CEP112: variants seen among roughly 807,000 people sequenced by gnomAD.
CEP112 encodes the protein centrosomal protein of 112 kDa.
A neutral mutation model predicts 153.0 loss-of-function variants in CEP112; 127 were observed. The ratio of observed to expected loss-of-function variants is 0.83; its 90% confidence interval spans 0.72 to 0.96. The LOEUF (loss-of-function observed/expected upper bound fraction) is 0.96, where lower values mean the gene tolerates loss of function less well. Ranked by LOEUF, CEP112 falls within the 40% of genes least tolerant of loss-of-function variation. The probability of loss-of-function intolerance (pLI) is 0.00; values close to 1 mark genes in which losing one functional copy is unlikely to be tolerated. For synonymous variants in CEP112, 358 were observed against 374.4 expected, an observed-to-expected ratio of 0.96 and a Z score of 0.51; for missense variants, 1,089 against 1,101.2, an observed-to-expected ratio of 0.99 and a Z score of 0.16.
intron 12 of CEP112, among the ~76,000 whole-genome samples, chr17:66,045,215 G>A (rs1308514510): frequency 6.6e-6 from 1 of 151,820 alleles, no homozygotes; most frequent in Non-Finnish European, 1.5e-5. Context: ...GGACTACAAC[G>A]TGCACTACCA....
chr17:66,095,524 G>T (rs2068306174), intron 8 of CEP112, among the ~76,000 whole-genome samples: 1 of 152,166 alleles, frequency 6.6e-6, no homozygotes, highest in Non-Finnish European at 1.5e-5. Context: ...AAGGAGTGGA[G>T]TTGGGAGATA....
intron 20 of CEP112, among the ~76,000 whole-genome samples, chr17:65,868,602 A>G (rs954060257): frequency 1.3e-5 from 2 of 152,310 alleles, no homozygotes; most frequent in Admixed American, 6.5e-5. Context: ...ATTTCAAAGG[A>G]CAGCATACAC....
chr17:65,879,581 G>C (rs1010520696), intron 20 of CEP112, among the ~76,000 whole-genome samples: 2 of 152,010 alleles, frequency 1.3e-5, no homozygotes, highest in Admixed American at 1.3e-4. Flanking sequence ...GATAAGAAAA[G>C]CCAAGACAAA....
intron 12 of CEP112, among the ~76,000 whole-genome samples, chr17:66,036,871 C>T (rs2065761950): frequency 6.6e-6 from 1 of 152,174 alleles, no homozygotes; most frequent in Admixed American, 6.5e-5. Context: ...TAAAATGCAA[C>T]ACTGCAATAC....
At chr17:65,770,721 AACTT>A (rs1012813641) in intron 21 of CEP112, among the ~76,000 whole-genome samples, 66 of 152,264 alleles carry the variant, frequency 4.3e-4, no homozygotes, top group African/African-American at 1.4e-3. Flanking sequence ...ACTGTTAAGA[AACTT>A]ACATTTTATA....
chr17:65,654,056 C>CAAAAAAAA lies in CEP112; in HGVS notation c.2698-12999_2698-12992dup, dbSNP rs773433478. 1.6e-3 allele frequency among the ~76,000 whole-genome samples: 42 copies of CAAAAAAAA among 26,870 alleles called. 2 individuals carry two copies. The highest frequency in any genetic ancestry group is 5.7e-3 in the African/African-American group (36 of 6,274). The allele number at this position is 26,870 out of a possible 152,430, so 17.6% of individuals were successfully genotyped here. ...CCTGGCAACCAGAGCAAGACTCCAT[C>CAAAAAAAA]AAAAAAAAAAAAAAAAAAAAAAAAA... On this transcript the variant is annotated intron_variant, in intron 24 of 26. Transcript: ENST00000535342.
chr17:65,833,440 A>G (rs542458805), intron 21 of CEP112, among the ~76,000 whole-genome samples: 2 of 152,286 alleles, frequency 1.3e-5, no homozygotes, highest in South Asian at 2.1e-4. Flanking sequence ...ACATGATTCT[A>G]TATCTAGAAA....
intron 1 of CEP112, among the ~76,000 whole-genome samples, chr17:66,190,007 G>A (rs2073103457): frequency 1.3e-5 from 2 of 152,114 alleles, no homozygotes; most frequent in African/African-American, 4.8e-5. Flanking sequence ...ACTCCAGCCT[G>A]AGCAATAAAG....
At chr17:66,160,923 T>C (rs558789064) in intron 4 of CEP112, among the ~76,000 whole-genome samples, 2 of 151,632 alleles carry the variant, frequency 1.3e-5, no homozygotes, top group African/African-American at 2.4e-5. Context: ...TGGGAGAAAA[T>C]GTTTGCAATC....
At chr17:66,039,855 G>A in intron 12 of CEP112, among the ~76,000 whole-genome samples, 1 of 152,010 alleles carries the variant, frequency 6.6e-6, no homozygotes, top group East Asian at 1.9e-4. Flanking sequence ...TTGGGGTCAG[G>A]CTTCTTCATG....
intron 17 of CEP112, among the ~76,000 whole-genome samples, chr17:66,000,401 G>T (rs1277016908): frequency 6.8e-6 from 1 of 147,872 alleles, no homozygotes; most frequent in Non-Finnish European, 1.5e-5. Context: ...ATGAGGCATT[G>T]AAACATCTGA....
chr17:65,856,099 T>C (rs1167130562), intron 20 of CEP112, among the ~76,000 whole-genome samples: 2 of 152,112 alleles, frequency 1.3e-5, no homozygotes, highest in Admixed American at 1.3e-4. Context: ...AATATATATA[T>C]ACTTAATATA....
At chr17:66,152,278 G>T (rs2146690109) in intron 4 of CEP112, among the ~76,000 whole-genome samples, 1 of 152,070 alleles carries the variant, frequency 6.6e-6, no homozygotes, top group Non-Finnish European at 1.5e-5. Context: ...AGAAGAAGGG[G>T]GATCCTTTTT....
At chr17:66,072,890 T>G (rs1036850330) in intron 8 of CEP112, among the ~76,000 whole-genome samples, 1 of 152,108 alleles carries the variant, frequency 6.6e-6, no homozygotes, top group Non-Finnish European at 1.5e-5. Flanking sequence ...GATTAGAATA[T>G]AGAAACAATC....
Position 66,168,164 on chromosome 17 carries a change from A to G in CEP112, c.470+6880T>C, listed in dbSNP as rs140834194. Among the ~76,000 whole-genome samples the G allele has an allele frequency of 9.1e-4, 138 of 152,244 alleles. 2 individuals are homozygous for G. The East Asian group carries it at 0.025, about 28-fold the overall frequency. ...ACCATAGACACATTTTTTTTACAAGAACGTTTTTAAATGTACACTCCAAAC... is the reference window on the plus strand; with the variant it reads ...ACCATAGACACATTTTTTTTACAAGGACGTTTTTAAATGTACACTCCAAAC... On this transcript the variant is annotated intron_variant, in intron 4 of 26. Coordinates refer to ENST00000535342, the MANE Select transcript of CEP112 (RefSeq NM_001199165.4).
intron 12 of CEP112, among the ~76,000 whole-genome samples, chr17:66,033,979 T>G (rs1045438739): frequency 6.6e-6 from 1 of 152,192 alleles, no homozygotes; most frequent in Non-Finnish European, 1.5e-5. Flanking sequence ...AAATACAATA[T>G]TCACAGGATG....
intron 24 of CEP112, among the ~76,000 whole-genome samples, chr17:65,665,383 G>T (rs112178847): frequency 3.3e-5 from 5 of 152,294 alleles, no homozygotes; most frequent in African/African-American, 1.2e-4. Flanking sequence ...CAACTCAAGG[G>T]TGTGCTTCAT....
In CEP112 at chr17:65,733,687, G is replaced by A. The variant is rs9892188; in HGVS notation, c.2607+9381C>T. On this transcript the variant is annotated intron_variant, in intron 23 of 26. Coordinates refer to ENST00000535342, the MANE Select transcript of CEP112 (RefSeq NM_001199165.4). ...GCTGCCACTAAAAATAAAATGACAT[G>A]AGAATAAATGACACTATTTGTTATC... Among the ~76,000 whole-genome samples the A allele has an allele frequency of 3.7e-3, 565 of 152,244 alleles. 4 individuals carry two copies. Among genetic ancestry groups the A allele is most frequent in the African/African-American group, 0.013 (528 of 41,540 alleles).
Position 65,938,431 on chromosome 17 carries a change from A to G in CEP112, c.1873-10742T>C, listed in dbSNP as rs1450555443. Among the ~76,000 whole-genome samples, 139 of 145,304 alleles carry G rather than the reference A, an allele frequency of 9.6e-4. 7 individuals carry two copies. Among genetic ancestry groups the G allele is most frequent in the Middle Eastern group, 3.5e-3 (1 of 282 alleles). ...ATGATCAATAAAAAAAAAAAAAAAAAAGAAAGAAAAAAAAATACCATAACA... is the reference window on the plus strand; with the variant it reads ...ATGATCAATAAAAAAAAAAAAAAAAGAGAAAGAAAAAAAAATACCATAACA... On this transcript the variant is annotated intron_variant, in intron 18 of 26. Transcript: ENST00000535342.
Sources: gnomAD v4.1 joint callset for allele counts (sites outside exome capture counted in the v4.1 genomes callset) on GRCh38, gnomAD v4.1.1 for gene constraint, MANE v1.5 for transcripts, NCBI Gene and HGNC (gene_info 2026-07-23, HGNC 2026-07-21) for gene names.